The following MIPOL1 variants were observed in gnomAD, a reference collection of about 807,000 sequenced individuals.
The protein encoded by MIPOL1 is mirror-image polydactyly 1.
Under a neutral mutation model 60.9 loss-of-function variants are expected in MIPOL1, and 57 were observed. The observed-to-expected ratio is 0.94, with a 90% CI of 0.76 to 1.17. MIPOL1 has a LOEUF of 1.17. MIPOL1 is among the 50% of genes most tolerant of loss of function. MIPOL1 has a pLI of 0.00. For missense variants in MIPOL1, 551 were observed against 511.6 expected, an observed-to-expected ratio of 1.08 and a Z score of -0.74; for synonymous variants, 179 against 168.8, an observed-to-expected ratio of 1.06 and a Z score of -0.47.
chr14:37,251,411 G>A (rs1172591145), intron 3 of MIPOL1, among the ~76,000 whole-genome samples: 2 of 152,054 alleles, frequency 1.3e-5, no homozygotes, highest in Non-Finnish European at 2.9e-5. Flanking sequence ...CTGAATGAAT[G>A]TAGTTTGTAA....
intron 10 of MIPOL1, among the ~76,000 whole-genome samples, chr14:37,406,038 A>G (rs998047203): frequency 6.6e-6 from 1 of 152,042 alleles, no homozygotes; most frequent in Non-Finnish European, 1.5e-5. Flanking sequence ...TAACATAATC[A>G]TACTGATTTT....
intron 11 of MIPOL1, among the ~76,000 whole-genome samples, chr14:37,434,850 CAA>C (rs71127219): frequency 9.0e-4 from 100 of 111,696 alleles, no homozygotes; most frequent in East Asian, 2.5e-3. Context: ...TTAATCACAG[CAA>C]AAAAAAAAAA....
At chr14:37,272,005 ATATT>A (rs1301860135) in intron 6 of MIPOL1, among the ~76,000 whole-genome samples, 1 of 151,562 alleles carries the variant, frequency 6.6e-6, no homozygotes, top group Non-Finnish European at 1.5e-5. Flanking sequence ...TTATTGGTAT[ATATT>A]TAAGTGTTCC....
intron 10 of MIPOL1, among the ~76,000 whole-genome samples, chr14:37,390,568 T>G (rs1300066007): frequency 2.0e-5 from 3 of 151,838 alleles, no homozygotes; most frequent in East Asian, 3.9e-4. Flanking sequence ...AGAAAATAAA[T>G]GAAAATATTA....
intron 3 of MIPOL1, among the ~76,000 whole-genome samples, chr14:37,259,397 T>C (rs2082357414): frequency 6.6e-6 from 1 of 151,886 alleles, no homozygotes; most frequent in Non-Finnish European, 1.5e-5. Context: ...AGACCTTGTC[T>C]CTACAAATAA....
intron 3 of MIPOL1, among the ~76,000 whole-genome samples, chr14:37,252,024 A>G (rs1974189561): frequency 6.6e-6 from 1 of 151,780 alleles, no homozygotes; most frequent in African/African-American, 2.4e-5. Context: ...TAAATCTGCT[A>G]TATTGTAAAT....
intron 6 of MIPOL1, among the ~76,000 whole-genome samples, chr14:37,279,321 T>C (rs984396964): frequency 6.6e-6 from 1 of 151,114 alleles, no homozygotes; most frequent in Non-Finnish European, 1.5e-5. Context: ...GCGTATTTGC[T>C]TTATTCATTC....
intron 1 of MIPOL1, among the ~76,000 whole-genome samples, chr14:37,238,849 A>G (rs2153339766): frequency 6.6e-6 from 1 of 151,572 alleles, no homozygotes; most frequent in East Asian, 1.9e-4. Flanking sequence ...GCTACTCAGG[A>G]GGCCAAGGCA....
chr14:37,335,294 T>C (rs1305611407), intron 9 of MIPOL1, among the ~76,000 whole-genome samples: 3 of 152,202 alleles, frequency 2.0e-5, no homozygotes, highest in Admixed American at 1.3e-4. Flanking sequence ...TAACATAAAA[T>C]TTACTGTCTT....
intron 10 of MIPOL1, among the ~76,000 whole-genome samples, chr14:37,396,594 T>C (rs1000469683): frequency 2.0e-5 from 3 of 152,220 alleles, no homozygotes; most frequent in African/African-American, 7.2e-5. Context: ...TTTCTCTTCT[T>C]TTTCAGGCAC....
At chr14:37,331,276 T>G (rs1436384277) in intron 9 of MIPOL1, among the ~76,000 whole-genome samples, 8 of 152,128 alleles carry the variant, frequency 5.3e-5, no homozygotes, top group African/African-American at 1.9e-4. Flanking sequence ...AGGTTTATTT[T>G]TTATGTTTCT....
intron 12 of MIPOL1, among the ~76,000 whole-genome samples, chr14:37,523,763 A>G (rs1831991447): frequency 6.6e-6 from 1 of 152,196 alleles, no homozygotes; most frequent in Non-Finnish European, 1.5e-5. Flanking sequence ...CAGGAGAGAC[A>G]TATTAAAATA....
Position 37,523,592 on chromosome 14 carries a change from G to C in MIPOL1, c.1263-23313G>C, listed in dbSNP as rs1480923223. 3 of 398,114 alleles carry C rather than the reference G, an allele frequency of 7.5e-6. No homozygotes were observed. The East Asian group carries it at 1.1e-4, about 14-fold the overall frequency. 24.7% of individuals were successfully genotyped at this position (398,114 alleles called of 1,614,324 possible). A position where few individuals can be genotyped will look rare whatever the true frequency, so the allele number is the denominator to read the frequency against. On this transcript the variant is annotated intron_variant, in intron 12 of 12. Transcript: ENST00000684589. ...CAGGTCATGATTTAAATATTTTTCT[G>C]TCATAATTATAATAGTTAGATGTTG... is the stretch of plus-strand genomic sequence containing the variant.
intron 11 of MIPOL1, among the ~76,000 whole-genome samples, chr14:37,454,560 A>G (rs537279547): frequency 1.1e-4 from 17 of 152,330 alleles, no homozygotes; most frequent in African/African-American, 4.1e-4. Flanking sequence ...GAAACAGCCC[A>G]AGTTTTTACT....
intron 10 of MIPOL1, among the ~76,000 whole-genome samples, chr14:37,385,206 G>C (rs2093032266): frequency 6.6e-6 from 1 of 152,030 alleles, no homozygotes; most frequent in African/African-American, 2.4e-5. Context: ...GGTTGGGGTG[G>C]TGGAAATTTT....
intron 9 of MIPOL1, among the ~76,000 whole-genome samples, chr14:37,327,627 T>A (rs1400511453): frequency 6.6e-6 from 1 of 152,120 alleles, no homozygotes; most frequent in Admixed American, 6.5e-5. Flanking sequence ...GGAGAAAGTA[T>A]ATGTTTGTCT....
intron 7 of MIPOL1, among the ~76,000 whole-genome samples, chr14:37,293,881 G>A (rs924210256): frequency 6.6e-6 from 1 of 152,170 alleles, no homozygotes; most frequent in African/African-American, 2.4e-5. Flanking sequence ...CCACCTCTGG[G>A]GGCAGGGCAC....
intron 11 of MIPOL1, 92 bp from the exon 12 acceptor site, chr14:37,499,816 C>T: frequency 1.8e-6 from 1 of 547,208 alleles, no homozygotes. Flanking sequence ...ATTTTTAGAA[C>T]TAGAGATTCT....
At chr14:37,445,623 T>G (rs1002986059) in intron 11 of MIPOL1, among the ~76,000 whole-genome samples, 3 of 151,706 alleles carry the variant, frequency 2.0e-5, no homozygotes, top group African/African-American at 7.3e-5. Flanking sequence ...AAGTCAATCC[T>G]AAGCCAAAAG....
Sources: gnomAD v4.1 joint callset for allele counts (sites outside exome capture counted in the v4.1 genomes callset) on GRCh38, gnomAD v4.1.1 for gene constraint, MANE v1.5 for transcripts, NCBI Gene and HGNC (gene_info 2026-07-23, HGNC 2026-07-21) for gene names.